TWF1: variants seen among roughly 807,000 people sequenced by gnomAD.
The protein encoded by TWF1 is twinfilin-1.
TWF1 carries 14 observed loss-of-function variants against 47.9 expected under a neutral mutation model. That is an observed-to-expected ratio of 0.29 (90% CI 0.19 to 0.46). TWF1 has a LOEUF of 0.46. Among genes scored for constraint, TWF1 ranks in the 20% least tolerant of loss-of-function variants. The probability of loss-of-function intolerance (pLI) is 1.00; values close to 1 mark genes in which losing one functional copy is unlikely to be tolerated. For synonymous variants in TWF1, 96 were observed against 139.2 expected, an observed-to-expected ratio of 0.69 and a Z score of 2.18; for missense variants, 281 against 409.3, an observed-to-expected ratio of 0.69 and a Z score of 2.70.
Position 43,804,538 on chromosome 12 carries a change from G to C in TWF1, c.60C>G (p.Ala20=), listed in dbSNP as rs143524612. The C allele has an allele frequency of 1.2e-6, 2 of 1,602,966 alleles. No homozygotes were observed. The highest frequency in any genetic ancestry group is 1.7e-6 in the Non-Finnish European group (2 of 1,176,018). ...SEDVKEIFAR[A]RNGKYRLLKI... ...TCAGAAGTCTGTACTTTCCATTTCTGGCTCTGGCAAAGATCTCTTTAACAT... is the reference window on the plus strand; with the variant it reads ...TCAGAAGTCTGTACTTTCCATTTCTCGCTCTGGCAAAGATCTCTTTAACAT... Residue 20 remains alanine (A), a synonymous_variant, in exon 2 of 9, where the codon GCC becomes GCG. Coordinates refer to ENST00000395510, the MANE Select transcript of TWF1 (RefSeq NM_002822.5).
intron 4 of TWF1, 47 bp from the exon 5 acceptor site, chr12:43,799,549 A>G: frequency 8.8e-7 from 1 of 1,135,404 alleles, no homozygotes. Context: ...TAGAAGTAAA[A>G]TGACAGTGAA....
chr12:43,804,205 A>T (rs1413765226), intron 2 of TWF1: 2 of 466,780 alleles, frequency 4.3e-6, no homozygotes, highest in African/African-American at 2.0e-5. Flanking sequence ...CCAGAGATGG[A>T]AGCACTGACA....
At chr12:43,805,143 A>T (rs1942733884) in intron 1 of TWF1, among the ~76,000 whole-genome samples, 1 of 152,206 alleles carries the variant, frequency 6.6e-6, no homozygotes, top group African/African-American at 2.4e-5. Flanking sequence ...TTAATAACTA[A>T]CCCTTGTGTT....
intron 8 of TWF1, among the ~76,000 whole-genome samples, chr12:43,796,532 C>T (rs1387158286): frequency 6.6e-6 from 1 of 152,044 alleles, no homozygotes; most frequent in Non-Finnish European, 1.5e-5. Flanking sequence ...CCCAACCATC[C>T]CATAATTCAG....
chr12:43,795,256 G>GT lies in TWF1; in HGVS notation c.*328dup, dbSNP rs567330513. 16 of 191,586 alleles carry GT rather than the reference G, an allele frequency of 8.4e-5. 1 individual carries two copies. In the South Asian group the frequency reaches 2.3e-3, roughly 27 times the overall value. 11.9% of individuals were successfully genotyped at this position (191,586 alleles called of 1,614,324 possible). ...GGTCTTTCTGTCCCACAAGAAAGTA[G>GT]TAAGTTTACCCTTTGAGACATCAGA... is the stretch of plus-strand genomic sequence containing the variant. On this transcript the variant is annotated 3_prime_UTR_variant, in exon 9 of 9. Coordinates refer to ENST00000395510, the MANE Select transcript of TWF1 (RefSeq NM_002822.5).
intron 1 of TWF1, chr12:43,805,694 C>G (rs1262328256): frequency 1.1e-6 from 1 of 869,724 alleles, no homozygotes; most frequent in African/African-American, 1.7e-5. Context: ...ACATAACTCT[C>G]ATTTTCCTAT....
chr12:43,796,920 T>C (rs1942561421), intron 8 of TWF1, 56 bp downstream of exon 8: 9 of 1,543,370 alleles, frequency 5.8e-6, no homozygotes, highest in Admixed American at 5.4e-5. Flanking sequence ...ATAAACTACA[T>C]AGAAATGAAA....
In TWF1 at chr12:43,805,929, G is replaced by A. The variant is rs777865465; in HGVS notation, c.25+292C>T. The stretch of plus-strand genomic sequence containing the variant: ...GAAAGTTGGGCGACTGTCGGGGACG[G>A]TGGAAGGCACGCCCCCTTCAACCAG... On this transcript the variant is annotated intron_variant, in intron 1 of 8. Transcript: ENST00000395510. 4.6e-6 allele frequency: 7 copies of A among 1,521,902 alleles called. No individual in the cohort carries two copies. The East Asian group carries it at 1.0e-4, about 23-fold the overall frequency. The allele number at this position is 1,521,902 out of a possible 1,614,324, so 94.3% of individuals were successfully genotyped here.
At chr12:43,802,909 A>G (rs1942688061) in intron 2 of TWF1, among the ~76,000 whole-genome samples, 1 of 152,192 alleles carries the variant, frequency 6.6e-6, no homozygotes, top group Non-Finnish European at 1.5e-5. Context: ...ACTCCTTTTT[A>G]TTTGGCCATA....
intron 5 of TWF1, among the ~76,000 whole-genome samples, chr12:43,798,257 G>C (rs116538186): frequency 5.3e-4 from 81 of 152,152 alleles, no homozygotes; most frequent in African/African-American, 1.9e-3. Context: ...GAATTGAAAG[G>C]AGTACAAACA....
At chr12:43,802,041 A>G (rs946204126) in intron 3 of TWF1, among the ~76,000 whole-genome samples, 4 of 152,154 alleles carry the variant, frequency 2.6e-5, no homozygotes, top group African/African-American at 9.7e-5. Context: ...AAAAAGAAAG[A>G]AAAAATTGCC....
At position 43,794,664 on chromosome 12, in the gene TWF1, A is replaced by G. The variant is rs1364555489; in HGVS notation, c.*921T>C. 2 of 151,414 alleles carry G rather than the reference A, an allele frequency of 1.3e-5. No homozygotes were observed. Among genetic ancestry groups the G allele is most frequent in the African/African-American group, 4.9e-5 (2 of 41,146 alleles). 9.4% of individuals were successfully genotyped at this position (151,414 alleles called of 1,614,324 possible). A position where few individuals can be genotyped will look rare whatever the true frequency, so the allele number is the denominator to read the frequency against. On this transcript the variant is annotated 3_prime_UTR_variant, in exon 9 of 9. Transcript: ENST00000395510. ...AACAGTTAAATGTGTTTTGAAATACAGTATTAACTGAGATTATTAAGGTGT... is the reference window on the plus strand; with the variant it reads ...AACAGTTAAATGTGTTTTGAAATACGGTATTAACTGAGATTATTAAGGTGT...
intron 4 of TWF1, 27 bp from the exon 5 acceptor site, chr12:43,799,529 A>C: frequency 7.6e-7 from 1 of 1,322,628 alleles, no homozygotes; most frequent in Non-Finnish European, 1.1e-6. Context: ...GACTATAATC[A>C]GTAATTCTCT....
At chr12:43,797,614 T>C in intron 6 of TWF1, 94 bp downstream of exon 6, 1 of 1,475,876 alleles carries the variant, frequency 6.8e-7, no homozygotes, top group South Asian at 1.4e-5. Flanking sequence ...ATCAGAAAGC[T>C]ATTTAAAATG....
At chr12:43,798,516 A>G (rs2138134726) in intron 5 of TWF1, 1 of 1,477,346 alleles carries the variant, frequency 6.8e-7, no homozygotes, top group East Asian at 2.5e-5. Flanking sequence ...TCTACAGCAT[A>G]AATGATATTG....
At chr12:43,805,752 GAGAA>G (rs1364311674) in intron 1 of TWF1, 7 of 1,321,936 alleles carry the variant, frequency 5.3e-6, no homozygotes, top group Non-Finnish European at 7.0e-6. Context: ...CTACTGATGT[GAGAA>G]AGATTCTGGC....
intron 8 of TWF1, 134 bp downstream of exon 8, chr12:43,796,842 G>A (rs540365638): frequency 3.9e-5 from 36 of 922,140 alleles, no homozygotes; most frequent in African/African-American, 2.4e-4. Context: ...GGCACTTAGA[G>A]GAGATCCTAA....
chr12:43,799,351 T>C, intron 5 of TWF1, 47 bp downstream of exon 5: 1 of 1,278,446 alleles, frequency 7.8e-7, no homozygotes, highest in South Asian at 1.4e-5. Flanking sequence ...AAATACAGTA[T>C]TTTCAAACAC....
intron 4 of TWF1, among the ~76,000 whole-genome samples, chr12:43,799,997 G>A (rs1942629553): frequency 6.6e-6 from 1 of 152,050 alleles, no homozygotes; most frequent in Non-Finnish European, 1.5e-5. Context: ...TTAGAAGACT[G>A]AGACTCATGA....
Sources: gnomAD v4.1 joint callset for allele counts (sites outside exome capture counted in the v4.1 genomes callset) on GRCh38, gnomAD v4.1.1 for gene constraint, MANE v1.5 for transcripts, NCBI Gene and HGNC (gene_info 2026-07-23, HGNC 2026-07-21) for gene names.